MUC6: variants seen among roughly 807,000 people sequenced by gnomAD.
The protein encoded by MUC6 is mucin 6, oligomeric mucus/gel-forming (gene/pseudogene).
MUC6 carries 188 observed loss-of-function variants against 201.5 expected under a neutral mutation model. That is an observed-to-expected ratio of 0.93 (90% CI 0.83 to 1.05). The LOEUF is 1.05. Ranked by LOEUF, MUC6 falls within the 50% of genes least tolerant of loss-of-function variation. The pLI is 0.00. For synonymous variants in MUC6, 1,228 were observed against 1,389.4 expected (o/e 0.88, Z 2.58); for missense variants, 2,706 against 3,256.9 (o/e 0.83, Z 4.12).
chr11:1,018,730 G>C lies in MUC6; in HGVS notation c.4071C>G (p.Thr1357=), dbSNP rs2133819710. ...GGGTTGGACGTGGGCCTGTCGTCTG[G>C]GTGGCCGTTGTTCCTGGCAGTTCCT... ...TNQELPGTTA[T]QTTGPRPTPA... Residue 1357 remains threonine, a synonymous_variant, in exon 31 of 33, where the codon ACC becomes ACG. Transcript: ENST00000421673. 1 of 1,583,434 alleles carries C rather than the reference G, an allele frequency of 6.3e-7. No individual in the cohort carries two copies. Among genetic ancestry groups the C allele is most frequent in the African/African-American group, 1.4e-5 (1 of 72,896 alleles).
In MUC6 at chr11:1,023,634, T is replaced by G; in HGVS notation, c.3401A>C (p.Tyr1134Ser). The G allele has an allele frequency of 6.2e-7, 1 of 1,612,718 alleles. No homozygotes were observed. Among genetic ancestry groups the G allele is most frequent in the Non-Finnish European group, 8.5e-7 (1 of 1,179,814 alleles). Residue 1134 changes from tyrosine (Y) to serine (S), a missense_variant, in exon 26 of 33, where the codon TAC (tyrosine) becomes TCC (serine). Physicochemically the swap from Tyr to Ser is moderately radical, Grantham distance 144 (BLOSUM62 -2). Around this residue, in one of 10 missense-constraint regions of MUC6, gnomAD observed 1,850 missense variants for 1,958.3 expected, o/e 0.94. Coordinates refer to ENST00000421673, the MANE Select transcript of MUC6 (RefSeq NM_005961.3). ...PAFCPIYCGFYNTHTQDGHGE... is the reference protein window; with the variant it reads ...PAFCPIYCGFSNTHTQDGHGE... ...ATGGCCGTCCTGCGTGTGCGTGTTG[T>G]AGAAGCCGCAGTAGATGGCTGGGAG...
At chr11:1,032,660 A>C (rs528139150) in intron 2 of MUC6, among the ~76,000 whole-genome samples, 1 of 144,494 alleles carries the variant, frequency 6.9e-6, no homozygotes, top group South Asian at 2.2e-4. Context: ...ATGTGTGTGC[A>C]TGGGTGTTGG....
chr11:1,030,370 A>ACCCCCCCCCCCCCCCCCCGC, intron 7 of MUC6, 35 bp from the exon 8 acceptor site: 4 of 992,838 alleles, frequency 4.0e-6, no homozygotes, highest in African/African-American at 2.4e-5. Flanking sequence ...AGAGGGTCCC[A>ACCCCCCCCCCCCCCCCCCGC]CCCCCCCCAC....
rs763477175 is a variant in MUC6 at position 1,016,233 on chromosome 11, C to T, written c.6568G>A (p.Ala2190Thr). The T allele has an allele frequency of 2.5e-6, 4 of 1,613,126 alleles. No homozygotes were observed. The highest frequency in any genetic ancestry group is 3.4e-6 in the Non-Finnish European group (4 of 1,179,728). The stretch of plus-strand genomic sequence containing the variant: ...AAAAGAGGAGATGCAGACACTGATG[C>T]AGTCGTGGGATGAGTGGACAATGAG... ...HSSLSTHPTT[A>T]SVSASPLFPS... Residue 2190 changes from alanine (A) to threonine (T), a missense_variant, in exon 31 of 33, where the codon GCA becomes ACA. By Grantham distance (58) the Ala-to-Thr change is moderately conservative. Coordinates refer to ENST00000421673, the MANE Select transcript of MUC6 (RefSeq NM_005961.3).
In MUC6 at chr11:1,030,565, G is replaced by A. The variant is rs1032558193; in HGVS notation, c.892+8C>T. On this transcript the variant is annotated splice_region_variant and intron_variant, in intron 7 of 32. Transcript: ENST00000421673. Reference sequence around the variant, plus strand: ...TCCTGCCCCTCCCTCTCCCTTCCCTGGACTCACAGCACAGGCCGGGGCTCC... The same window carrying A: ...TCCTGCCCCTCCCTCTCCCTTCCCTAGACTCACAGCACAGGCCGGGGCTCC... 2 of 1,493,366 alleles carry A rather than the reference G, an allele frequency of 1.3e-6. No homozygotes were observed. Among genetic ancestry groups the A allele is most frequent in the Admixed American group, 4.1e-5 (2 of 48,266 alleles). 92.5% of individuals were successfully genotyped at this position (1,493,366 alleles called of 1,614,324 possible).
intron 4 of MUC6, 21 bp downstream of exon 4, chr11:1,031,586 C>A: frequency 6.5e-7 from 1 of 1,545,162 alleles, no homozygotes; most frequent in Non-Finnish European, 8.7e-7. Flanking sequence ...TCCAGGCCCA[C>A]CCTGGCCCTT....
Position 1,033,265 on chromosome 11 carries a change from G to T in MUC6, c.53-190C>A, listed in dbSNP as rs971596605. The T allele has an allele frequency of 1.0e-5, 6 of 600,222 alleles. No individual in the cohort carries two copies. In the Admixed American group the frequency reaches 1.1e-4, roughly 11 times the overall value. 37.2% of individuals were successfully genotyped at this position (600,222 alleles called of 1,614,324 possible). On this transcript the variant is annotated intron_variant, in intron 1 of 32. Transcript: ENST00000421673. The surrounding 1 kb of genome is among the most constrained non-coding windows in gnomAD (Gnocchi z 5.6). ...TGGCCTCCCATGCTGTCCTTCACGA[G>T]CCCCAGCTTCCTTCCCTGCTCTCGT...
chr11:1,024,310 A>G (rs116655920), intron 24 of MUC6, among the ~76,000 whole-genome samples: 2,951 of 152,220 alleles, frequency 0.019, 109 homozygotes, highest in African/African-American at 0.068. Context: ...ACCCGAGCTC[A>G]CGCCTTGAGA....
chr11:1,019,194 A>G (rs11246381), intron 30 of MUC6, 81 bp downstream of exon 30: 246,505 of 1,447,850 alleles, frequency 0.17, 23,188 homozygotes, highest in Non-Finnish European at 0.19. Context: ...GGTCTTCTTT[A>G]TGGCTGAATC....
Position 1,028,979 on chromosome 11 carries a change from T to C in MUC6, c.1381-18A>G, listed in dbSNP as rs1224504848. ...ATTTTGTCCTGGAGAGAGGGTGGCC[T>C]GAGTCAGGGTGCAGGCACCAGGGAG... On this transcript the variant is annotated intron_variant, in intron 11 of 32. Coordinates refer to ENST00000421673, the MANE Select transcript of MUC6 (RefSeq NM_005961.3). The C allele has an allele frequency of 2.5e-6, 4 of 1,612,880 alleles. No homozygotes were observed. The highest frequency in any genetic ancestry group is 3.4e-6 in the Non-Finnish European group (4 of 1,179,844).
chr11:1,023,165 A>G (rs769242415), intron 26 of MUC6, among the ~76,000 whole-genome samples: 2 of 151,742 alleles, frequency 1.3e-5, no homozygotes, highest in African/African-American at 2.4e-5. Flanking sequence ...GCGTGAATGA[A>G]TGTGCATGAA....
chr11:1,028,186 C>T, intron 14 of MUC6, 40 bp downstream of exon 14: 1 of 1,543,382 alleles, frequency 6.5e-7, no homozygotes, highest in Non-Finnish European at 8.8e-7. Flanking sequence ...ACTGTGGGCG[C>T]TGGGGGGGCA....
intron 2 of MUC6, among the ~76,000 whole-genome samples, chr11:1,032,256 A>C (rs1857123351): frequency 6.6e-6 from 1 of 152,154 alleles, no homozygotes; most frequent in Non-Finnish European, 1.5e-5. Flanking sequence ...GCATGTGCAC[A>C]CACGTGTGTG....
chr11:1,022,276 T>C (rs1258241416), intron 26 of MUC6, among the ~76,000 whole-genome samples: 6 of 87,642 alleles, frequency 6.8e-5, no homozygotes, highest in South Asian at 9.2e-4. Context: ...CACTCGCTCC[T>C]TCTGCCCTCT....
chr11:1,030,466 C>T lies in MUC6; in HGVS notation c.892+107G>A, dbSNP rs991937878. On this transcript the variant is annotated intron_variant, in intron 7 of 32. Coordinates refer to ENST00000421673, the MANE Select transcript of MUC6 (RefSeq NM_005961.3). ...GCAGCAGCGAGGATCTCCTGTCTCT[C>T]AGACCAGGAGGGATGCAGGCGTCAC... 3.5e-6 allele frequency: 5 copies of T among 1,418,360 alleles called. No individual in the cohort carries two copies. The African/African-American group carries it at 7.1e-5, about 20-fold the overall frequency. The allele number at this position is 1,418,360 out of a possible 1,614,324, so 87.9% of individuals were successfully genotyped here. A position where few individuals can be genotyped will look rare whatever the true frequency, so the allele number is the denominator to read the frequency against.
intron 32 of MUC6, 29 bp from the exon 33 acceptor site, chr11:1,013,662 C>T: frequency 6.5e-7 from 1 of 1,546,562 alleles, no homozygotes; most frequent in South Asian, 1.2e-5. Context: ...AGAGCAGGGT[C>T]ATGACTGCTG....
chr11:1,020,149 G>T lies in MUC6; in HGVS notation c.3749C>A (p.Thr1250Asn). Reference protein sequence around the residue: ...PSSNHTPASPTQTPLLPATLT... With the variant: ...PSSNHTPASPNQTPLLPATLT... The stretch of plus-strand genomic sequence containing the variant: ...CGTGGCTGGAAGGAGGGGTGTCTGG[G>T]TGGGGCTGGCAGGGGTGTGATTAGA... The change falls in exon 29 of 33, where the codon ACC becomes AAC. Residue 1250 changes from threonine (T) to asparagine (N), a missense_variant. Thr to Asn is a moderately conservative substitution (Grantham distance 65, BLOSUM62 0). Coordinates refer to ENST00000421673, the MANE Select transcript of MUC6 (RefSeq NM_005961.3). The T allele has an allele frequency of 6.2e-7, 1 of 1,613,334 alleles. No homozygotes were observed. The highest frequency in any genetic ancestry group is 8.5e-7 in the Non-Finnish European group (1 of 1,179,860).
At chr11:1,022,381 G>A (rs576064573) in intron 26 of MUC6, among the ~76,000 whole-genome samples, 4 of 151,840 alleles carry the variant, frequency 2.6e-5, no homozygotes, top group East Asian at 1.9e-4. Context: ...CCCCTCACTC[G>A]CTGGCTCTGC....
At chr11:1,013,743 C>T (rs537274624) in intron 32 of MUC6, 110 bp from the exon 33 acceptor site, 44 of 1,403,688 alleles carry the variant, frequency 3.1e-5, no homozygotes, top group African/African-American at 2.6e-4. Flanking sequence ...GCTGAGCTCC[C>T]GGCTCACAGG....
Sources: gnomAD v4.1 joint callset for allele counts (sites outside exome capture counted in the v4.1 genomes callset) on GRCh38, gnomAD v4.1.1 for gene constraint, gnomAD v4.1.1 regional missense constraint, Gnocchi (gnomAD v3.1) non-coding constraint, MANE v1.5 for transcripts, NCBI Gene and HGNC (gene_info 2026-07-23, HGNC 2026-07-21) for gene names.